OR14I1: variants seen among roughly 807,000 people sequenced by gnomAD.
OR14I1 encodes the protein olfactory receptor family 14 subfamily I member 1, also known as olfactory receptor 14I1.
For synonymous variants in OR14I1, 118 were observed against 71.1 expected (o/e 1.66, Z -3.32); for missense variants, 279 against 181.8 (o/e 1.53, Z -3.07).
chr1:248,684,425 A>G (rs1661609388), upstream of OR14I1, among the ~76,000 whole-genome samples: 1 of 152,224 alleles, frequency 6.6e-6, no homozygotes, highest in Non-Finnish European at 1.5e-5. Context: ...GGAAATTTTG[A>G]ACACAACTGA....
upstream of OR14I1, among the ~76,000 whole-genome samples, chr1:248,685,011 T>G (rs187386345): frequency 6.1e-3 from 936 of 152,238 alleles, 5 homozygotes; most frequent in Non-Finnish European, 9.1e-3. Flanking sequence ...ATATTTCATA[T>G]TTTTAATATT....
chr1:248,678,449 G>A (rs954972244), downstream of OR14I1, among the ~76,000 whole-genome samples: 1 of 152,176 alleles, frequency 6.6e-6, no homozygotes, highest in Non-Finnish European at 1.5e-5. Context: ...AATCAAATTG[G>A]AAGTCAATTA....
downstream of OR14I1, among the ~76,000 whole-genome samples, chr1:248,678,267 T>C (rs1661507245): frequency 6.6e-6 from 1 of 152,234 alleles, no homozygotes; most frequent in Non-Finnish European, 1.5e-5. Context: ...CAGGGGATGT[T>C]GTGATAACAG....
chr1:248,694,378 G>A, the OR14I1 span, among the ~76,000 whole-genome samples: 28,020 of 151,686 alleles, frequency 0.18, 3,195 homozygotes, highest in African/African-American at 0.32. Context: ...TGCCTATGAC[G>A]TATATTATCC....
At chr1:248,683,313 T>A (rs534243999), upstream of OR14I1, among the ~76,000 whole-genome samples, 1 of 152,366 alleles carries the variant, frequency 6.6e-6, no homozygotes, top group African/African-American at 2.4e-5. Flanking sequence ...GTATTATCTA[T>A]ATGTTTAAAA....
chr1:248,682,857 T>C (rs772761046), upstream of OR14I1, among the ~76,000 whole-genome samples: 7 of 152,214 alleles, frequency 4.6e-5, no homozygotes, highest in Non-Finnish European at 8.8e-5. Context: ...GGAATGAGTA[T>C]GGAATATGAT....
chr1:248,681,832 G>A (rs1023724477), exon 1 of OR14I1: 1 of 781,074 alleles, frequency 1.3e-6, no homozygotes, highest in Non-Finnish European at 2.4e-6. Flanking sequence ...CATGTTGCCA[G>A]TGTGGACGGC....
chr1:248,699,894 A>C, the OR14I1 span, among the ~76,000 whole-genome samples: 7 of 152,266 alleles, frequency 4.6e-5, no homozygotes, highest in East Asian at 1.4e-3. Flanking sequence ...AGTAGCTGGG[A>C]CTACAGGCAC....
At chr1:248,701,714 A>AT in the OR14I1 span, among the ~76,000 whole-genome samples, 1 of 152,184 alleles carries the variant, frequency 6.6e-6, no homozygotes. Context: ...CAAGAGAGCG[A>AT]TATCACCAAG....
upstream of OR14I1, among the ~76,000 whole-genome samples, chr1:248,684,531 TA>T (rs1661611162): frequency 6.6e-6 from 1 of 152,170 alleles, no homozygotes; most frequent in Non-Finnish European, 1.5e-5. Context: ...CCATGACGTT[TA>T]AACCCCTAAT....
chr1:248,691,103 G>C, the OR14I1 span, among the ~76,000 whole-genome samples: 2 of 152,132 alleles, frequency 1.3e-5, no homozygotes, highest in Admixed American at 6.5e-5. Flanking sequence ...TGGATATTTA[G>C]GTTGCTTCCA....
chr1:248,694,024 C>G, the OR14I1 span, among the ~76,000 whole-genome samples: 2 of 152,104 alleles, frequency 1.3e-5, no homozygotes, highest in African/African-American at 4.8e-5. Context: ...TCTTCAAGTT[C>G]ACATGCCATT....
upstream of OR14I1, among the ~76,000 whole-genome samples, chr1:248,685,764 A>G (rs1661640910): frequency 6.7e-6 from 1 of 150,234 alleles, no homozygotes; most frequent in Non-Finnish European, 1.5e-5. Context: ...ATATGTATAC[A>G]TACATATATA....
At chr1:248,693,428 T>G in the OR14I1 span, among the ~76,000 whole-genome samples, 1 of 152,214 alleles carries the variant, frequency 6.6e-6, no homozygotes, top group Non-Finnish European at 1.5e-5. Flanking sequence ...TGCCCCATAC[T>G]GGTGGACCAG....
chr1:248,685,531 A>T (rs1011507698), upstream of OR14I1, among the ~76,000 whole-genome samples: 1 of 152,154 alleles, frequency 6.6e-6, no homozygotes, highest in Non-Finnish European at 1.5e-5. Flanking sequence ...AAATTCTACA[A>T]AACTGCCACG....
chr1:248,678,768 A>G (rs542789924), downstream of OR14I1, among the ~76,000 whole-genome samples: 5 of 152,322 alleles, frequency 3.3e-5, no homozygotes, highest in South Asian at 1.0e-3. Context: ...GTCTGAAGGA[A>G]CTATTATATT....
the OR14I1 span, among the ~76,000 whole-genome samples, chr1:248,694,821 AG>A: frequency 6.6e-6 from 1 of 152,336 alleles, no homozygotes; most frequent in East Asian, 1.9e-4. Flanking sequence ...CACCAGAAAT[AG>A]ATGAGAATAC....
At chr1:248,688,771 T>G in the OR14I1 span, among the ~76,000 whole-genome samples, 2 of 152,208 alleles carry the variant, frequency 1.3e-5, no homozygotes, top group Non-Finnish European at 2.9e-5. Flanking sequence ...GTGTTTCAGT[T>G]GACTGCAGGG....
chr1:248,702,075 T>G, the OR14I1 span, among the ~76,000 whole-genome samples: 6 of 152,120 alleles, frequency 3.9e-5, no homozygotes, highest in South Asian at 1.2e-3. Flanking sequence ...TCATGAGAAT[T>G]CACCCACTAT....
Sources: allele counts gnomAD v4.1 joint callset (sites outside exome capture counted in the v4.1 genomes callset), GRCh38; gene constraint gnomAD v4.1.1; transcripts MANE v1.5; gene names NCBI Gene and HGNC (gene_info 2026-07-23, HGNC 2026-07-21).